Variants in SLC27A2 observed in about 807,000 individuals in gnomAD.
SLC27A2 encodes the protein long-chain fatty acid transport protein 2.
A neutral mutation model predicts 60.0 loss-of-function variants in SLC27A2; 54 were observed. The observed-to-expected ratio is 0.90, with a 90% CI of 0.72 to 1.13. The LOEUF (loss-of-function observed/expected upper bound fraction) is 1.13. Among genes scored for constraint, SLC27A2 ranks in the 50% most tolerant of loss-of-function variants. The probability of loss-of-function intolerance (pLI) is 0.00; values close to 1 mark genes in which losing one functional copy is unlikely to be tolerated. For synonymous variants in SLC27A2, 297 were observed against 297.6 expected, an observed-to-expected ratio of 1.00 and a Z score of 0.02; for missense variants, 739 against 777.6, an observed-to-expected ratio of 0.95 and a Z score of 0.59.
intron 4 of SLC27A2, among the ~76,000 whole-genome samples, chr15:50,210,747 C>T (rs1322682707): frequency 6.6e-6 from 1 of 152,192 alleles, no homozygotes; most frequent in East Asian, 1.9e-4. Flanking sequence ...GGCAAGTTTT[C>T]AAGCCTGACT....
intron 2 of SLC27A2, among the ~76,000 whole-genome samples, chr15:50,198,975 T>C (rs988988257): frequency 6.6e-6 from 1 of 151,958 alleles, no homozygotes; most frequent in African/African-American, 2.4e-5. Flanking sequence ...TTTAAGTAAA[T>C]GAGAGGAAGC....
chr15:50,234,223 ATT>A (rs1345098129), intron 9 of SLC27A2, among the ~76,000 whole-genome samples: 1 of 152,170 alleles, frequency 6.6e-6, no homozygotes, highest in Admixed American at 6.5e-5. Flanking sequence ...AGGTGGGAAG[ATT>A]GCTTGAGCTC....
Position 50,202,622 on chromosome 15 carries a change from G to T in SLC27A2, c.824G>T (p.Gly275Val). The T allele has an allele frequency of 1.2e-6, 2 of 1,614,010 alleles. No homozygotes were observed. Among genetic ancestry groups the T allele is most frequent in the Non-Finnish European group, 1.7e-6 (2 of 1,179,930 alleles). ...PFYHSAALLI[G>V]IHGCIVAGAT... ...TACCACAGTGCTGCACTACTGATTG[G>T]CATTCACGGATGTATTGTGGCTGGT... Residue 275 changes from glycine (G) to valine (V), a missense_variant, in exon 3 of 10, where the codon GGC becomes GTC. By Grantham distance (109) the Gly-to-Val change is moderately radical. Coordinates refer to ENST00000267842, the MANE Select transcript of SLC27A2 (RefSeq NM_003645.4).
In SLC27A2 at chr15:50,197,729, T is replaced by C. The variant is rs1425851959; in HGVS notation, c.688+20T>C. On this transcript the variant is annotated intron_variant, in intron 2 of 9. Transcript: ENST00000267842. ...CCACAGGTAAAAATAAAGGGGGGAT[T>C]CTCCAAAAAAATTAATCTGAAGGAG... The C allele has an allele frequency of 6.3e-7, 1 of 1,578,262 alleles. No homozygotes were observed. Among genetic ancestry groups the C allele is most frequent in the East Asian group, 2.2e-5 (1 of 44,492 alleles).
intron 4 of SLC27A2, among the ~76,000 whole-genome samples, chr15:50,209,573 C>G (rs984222425): frequency 6.6e-6 from 1 of 152,114 alleles, no homozygotes; most frequent in Non-Finnish European, 1.5e-5. Flanking sequence ...GTGGCAAGGG[C>G]TTTACTCTGC....
At chr15:50,209,224 C>T (rs1305341256) in intron 4 of SLC27A2, among the ~76,000 whole-genome samples, 1 of 152,162 alleles carries the variant, frequency 6.6e-6, no homozygotes, top group Admixed American at 6.5e-5. Context: ...ATTAGATAAC[C>T]TCTGTGGTCC....
At chr15:50,232,884 T>C (rs1407313942) in intron 8 of SLC27A2, among the ~76,000 whole-genome samples, 2 of 152,080 alleles carry the variant, frequency 1.3e-5, no homozygotes, top group Non-Finnish European at 2.9e-5. Flanking sequence ...ACAATCACCA[T>C]AGGAGAGATT....
intron 8 of SLC27A2, among the ~76,000 whole-genome samples, chr15:50,229,400 G>A (rs1430888936): frequency 6.6e-6 from 1 of 152,240 alleles, no homozygotes; most frequent in East Asian, 1.9e-4. Flanking sequence ...AGAAGAGCCA[G>A]TGCAGTTGCT....
intron 1 of SLC27A2, among the ~76,000 whole-genome samples, chr15:50,186,856 T>C (rs2044928939): frequency 6.6e-6 from 1 of 152,212 alleles, no homozygotes; most frequent in African/African-American, 2.4e-5. Flanking sequence ...TTTTTCTCAC[T>C]TACGAGGCAC....
chr15:50,204,174 G>A (rs150732395), intron 3 of SLC27A2, among the ~76,000 whole-genome samples: 2,274 of 152,200 alleles, frequency 0.015, 43 homozygotes, highest in Non-Finnish European at 0.019. Context: ...TTAAAATATT[G>A]CATGAATGGG....
At chr15:50,202,839 T>A (rs2045075863) in intron 3 of SLC27A2, among the ~76,000 whole-genome samples, 194 bp downstream of exon 3, 2 of 152,126 alleles carry the variant, frequency 1.3e-5, no homozygotes, top group African/African-American at 4.8e-5. Context: ...GCCTATCTAA[T>A]AATGTAATGC....
intron 4 of SLC27A2, among the ~76,000 whole-genome samples, chr15:50,207,272 C>T (rs1477289631): frequency 6.6e-6 from 1 of 152,158 alleles, no homozygotes; most frequent in Non-Finnish European, 1.5e-5. Flanking sequence ...CCCAGTTTTT[C>T]TCTTACTGTT....
chr15:50,229,038 G>T lies in SLC27A2; in HGVS notation c.1551G>T (p.Val517=). The T allele has an allele frequency of 6.2e-7, 1 of 1,601,622 alleles. No homozygotes were observed. Among genetic ancestry groups the T allele is most frequent in the Non-Finnish European group, 8.5e-7 (1 of 1,170,580 alleles). Residue 517 remains valine, a synonymous_variant, in exon 8 of 10, where the codon GTG becomes GTT. Transcript: ENST00000267842. ...AAGTAAATGTTTATGGAGTGCATGT[G>T]CCAGGTATATACAAGATATGATCTG... ...VQEVNVYGVH[V]PDHEGRIGMA... is the part of the protein sequence containing the mutation.
At position 50,233,111 on chromosome 15, in the gene SLC27A2, T is replaced by C. The variant is rs1439027176; in HGVS notation, c.1556-757T>C. ...CCTGATGTAGGATCTGTTCTCTCTG[T>C]GGAGAGCACATCCTCTTGGGACTAA... On this transcript the variant is annotated intron_variant, in intron 8 of 9. Transcript: ENST00000267842. 1.3e-5 allele frequency among the ~76,000 whole-genome samples: 2 copies of C among 152,176 alleles called. 1 individual carries two copies. The highest frequency in any genetic ancestry group is 2.9e-5 in the Non-Finnish European group (2 of 68,018).
rs565652803 is a variant in SLC27A2, at chr15:50,197,926, G to C, written c.688+217G>C. ...ATTTTCCGCCAGTTGGTATAGAACA[G>C]ATAAAGAGGTTAACCAAGAACTACA... On this transcript the variant is annotated intron_variant, in intron 2 of 9. Transcript: ENST00000267842. Among the ~76,000 whole-genome samples the C allele has an allele frequency of 3.9e-5, 6 of 152,304 alleles. No individual in the cohort carries two copies. The East Asian group carries it at 1.2e-3, about 29-fold the overall frequency.
chr15:50,226,902 G>A, intron 6 of SLC27A2, 78 bp from the exon 7 acceptor site: 2 of 1,198,936 alleles, frequency 1.7e-6, no homozygotes, highest in Non-Finnish European at 2.4e-6. Flanking sequence ...CAGGTTGTAT[G>A]GCATTAGTTT....
chr15:50,231,615 A>T (rs2045317487), intron 8 of SLC27A2, among the ~76,000 whole-genome samples: 1 of 152,312 alleles, frequency 6.6e-6, no homozygotes, highest in Middle Eastern at 3.4e-3. Flanking sequence ...TAAAGCCTGG[A>T]TCTAATGGAC....
At chr15:50,234,607 A>AAAAAAAAC (rs1567440045) in intron 9 of SLC27A2, among the ~76,000 whole-genome samples, 1 of 146,752 alleles carries the variant, frequency 6.8e-6, no homozygotes. Flanking sequence ...AAAAAAAAAA[A>AAAAAAAAC]AATTAGCCAG....
chr15:50,194,498 G>C (rs8025232), intron 1 of SLC27A2, among the ~76,000 whole-genome samples: 18,132 of 152,106 alleles, frequency 0.12, 1,229 homozygotes, highest in African/African-American at 0.17. Context: ...AGGCACCTCC[G>C]GTCCTCCCGA....
Sources: gnomAD v4.1 joint callset for allele counts (sites outside exome capture counted in the v4.1 genomes callset) on GRCh38, gnomAD v4.1.1 for gene constraint, MANE v1.5 for transcripts, NCBI Gene and HGNC (gene_info 2026-07-23, HGNC 2026-07-21) for gene names.